PRR5L: variants seen among roughly 807,000 people sequenced by gnomAD.
PRR5L encodes the protein proline rich 5 like, also known as proline-rich protein 5-like.
Under a neutral mutation model 36.4 loss-of-function variants are expected in PRR5L, and 21 were observed. That is an observed-to-expected ratio of 0.58 (90% CI 0.41 to 0.83). The LOEUF is 0.83. Ranked by LOEUF, PRR5L falls within the 40% of genes least tolerant of loss-of-function variation. PRR5L has a pLI of 0.00. For missense variants in PRR5L, 381 were observed against 473.3 expected (o/e 0.80, Z 1.81); for synonymous variants, 188 against 197.0 (o/e 0.95, Z 0.38).
At chr11:36,347,662 G>A (rs1002048532) in intron 1 of PRR5L, among the ~76,000 whole-genome samples, 2 of 151,920 alleles carry the variant, frequency 1.3e-5, no homozygotes, top group Non-Finnish European at 1.5e-5. Context: ...TCACATCCTA[G>A]AGAGGAGAAA....
At chr11:36,449,265 C>A (rs10501156) in intron 7 of PRR5L, among the ~76,000 whole-genome samples, 12,321 of 152,266 alleles carry the variant, frequency 0.081, 611 homozygotes, top group Middle Eastern at 0.17. Context: ...GAAATTTGGG[C>A]CTCCGTACTT....
rs1859207283 is a variant in PRR5L at position 36,462,459 on chromosome 11, G to T, written c.830G>T (p.Gly277Val). ...MVLTPLTEQE[G>V]EAYLEKCGSV... Reference sequence around the variant, plus strand: ...TTGACCCCACTGACAGAGCAGGAGGGGGAAGCCTACCTGGAGAAGTGTGGC... The same window carrying T: ...TTGACCCCACTGACAGAGCAGGAGGTGGAAGCCTACCTGGAGAAGTGTGGC... The change falls in exon 9 of 9, where the codon GGG (glycine) becomes GTG (valine). Residue 277 changes from glycine to valine, a missense_variant. Coordinates refer to ENST00000530639, the MANE Select transcript of PRR5L (RefSeq NM_001160167.2). The T allele has an allele frequency of 1.2e-6, 2 of 1,607,966 alleles. No individual in the cohort carries two copies. Among genetic ancestry groups the T allele is most frequent in the African/African-American group, 1.3e-5 (1 of 75,014 alleles).
intron 4 of PRR5L, among the ~76,000 whole-genome samples, chr11:36,422,632 A>C (rs1858293148): frequency 6.6e-6 from 1 of 152,176 alleles, no homozygotes; most frequent in African/African-American, 2.4e-5. Flanking sequence ...CTTAACACAG[A>C]ATGTCCTGAG....
In PRR5L at chr11:36,344,426, TAA is replaced by T. The variant is rs1349864774; in HGVS notation, c.-126+47991_-126+47992del. Among the ~76,000 whole-genome samples the T allele has an allele frequency of 1.3e-5, 2 of 152,246 alleles. No individual in the cohort carries two copies. On this transcript the variant is annotated intron_variant, in intron 1 of 8. Transcript: ENST00000530639. This position sits in a 1 kb window ranked among gnomAD's most constrained non-coding sequence, Gnocchi z 4.1. ...TGTTATAAATATTTCTTGATATTAT[TAA>T]AAGTTATTGACATCATTTTTAAGGC...
chr11:36,386,991 T>C (rs1433614008), intron 1 of PRR5L, among the ~76,000 whole-genome samples: 2 of 152,166 alleles, frequency 1.3e-5, no homozygotes, highest in Non-Finnish European at 2.9e-5. Context: ...CTGGTTTCCA[T>C]CCAATGGGCT....
At chr11:36,387,799 G>A (rs56948888) in intron 1 of PRR5L, among the ~76,000 whole-genome samples, 5,526 of 152,298 alleles carry the variant, frequency 0.036, 356 homozygotes, top group African/African-American at 0.13. Flanking sequence ...GCTGGAGGCT[G>A]TAGCTGTGAT....
At chr11:36,366,737 T>C (rs1377839379) in intron 1 of PRR5L, among the ~76,000 whole-genome samples, 1 of 152,172 alleles carries the variant, frequency 6.6e-6, no homozygotes, top group African/African-American at 2.4e-5. Flanking sequence ...GCTAAATTAG[T>C]GGTTAGAGGG....
rs537655928 is a variant in PRR5L at position 36,390,022 on chromosome 11, A to G, written c.-125-10975A>G. 4.6e-5 allele frequency among the ~76,000 whole-genome samples: 7 copies of G among 152,320 alleles called. No individual in the cohort carries two copies. The South Asian group carries it at 1.2e-3, about 27-fold the overall frequency. ...TTCCTGCTTCACTAGGCCCTGTGCT[A>G]AGCCCTGGGGATGTACCTGAGAACA... On this transcript the variant is annotated intron_variant, in intron 1 of 8. Transcript: ENST00000530639.
At chr11:36,460,920 C>T (rs956979122) in intron 8 of PRR5L, among the ~76,000 whole-genome samples, 1 of 152,192 alleles carries the variant, frequency 6.6e-6, no homozygotes, top group African/African-American at 2.4e-5. Context: ...ACTCTGTCAC[C>T]CCTTTACCGC....
At chr11:36,407,368 C>G (rs1206740751) in intron 3 of PRR5L, among the ~76,000 whole-genome samples, 1 of 152,214 alleles carries the variant, frequency 6.6e-6, no homozygotes, top group Non-Finnish European at 1.5e-5. Flanking sequence ...GCATACTGCA[C>G]TCCAGCCTGG....
rs552551081 is a variant in PRR5L, at chr11:36,348,440, C to T, written c.-126+52002C>T. ...TCCCTGCCTCACCTTTCTATGCATC[C>T]GAATCCCACTCCTGCTTTAACTAAC... On this transcript the variant is annotated intron_variant, in intron 1 of 8. Coordinates refer to ENST00000530639, the MANE Select transcript of PRR5L (RefSeq NM_001160167.2). Among the ~76,000 whole-genome samples, 177 of 152,180 alleles carry T rather than the reference C, an allele frequency of 1.2e-3. 1 individual carries two copies. The highest frequency in any genetic ancestry group is 4.2e-3 in the African/African-American group (174 of 41,518).
intron 1 of PRR5L, among the ~76,000 whole-genome samples, chr11:36,341,581 C>T (rs1856817932): frequency 6.6e-6 from 1 of 152,164 alleles, no homozygotes; most frequent in African/African-American, 2.4e-5. Flanking sequence ...TTAAGACCAC[C>T]CACAGCTCTG....
chr11:36,383,620 G>A (rs1441757987), intron 1 of PRR5L, among the ~76,000 whole-genome samples: 1 of 151,838 alleles, frequency 6.6e-6, no homozygotes, highest in South Asian at 2.1e-4. Context: ...TCTTGTTCAC[G>A]TTCTCTGCTT....
chr11:36,325,539 A>C (rs553179495), intron 1 of PRR5L, among the ~76,000 whole-genome samples: 15 of 152,288 alleles, frequency 9.8e-5, no homozygotes, highest in African/African-American at 2.9e-4. Flanking sequence ...TATCCTGATC[A>C]TTGTCCCTGG....
chr11:36,456,097 C>T (rs1859051896), intron 8 of PRR5L, among the ~76,000 whole-genome samples: 1 of 152,178 alleles, frequency 6.6e-6, no homozygotes, highest in Admixed American at 6.5e-5. Flanking sequence ...CCTGGAGCAA[C>T]TTCTGAGCCA....
At chr11:36,343,675 T>TA (rs1321420388) in intron 1 of PRR5L, among the ~76,000 whole-genome samples, 9 of 152,190 alleles carry the variant, frequency 5.9e-5, no homozygotes, top group African/African-American at 2.2e-4. Context: ...CATCAGCCTT[T>TA]ATAGTGGTTT....
rs1252535250 is a variant in PRR5L at position 36,388,694 on chromosome 11, C to CTTTTTTTTTT, written c.-125-12300_-125-12299insTTTTTTTTTT. 5.0e-3 allele frequency among the ~76,000 whole-genome samples: 567 copies of CTTTTTTTTTT among 112,748 alleles called. 21 individuals carry two copies. Among genetic ancestry groups the CTTTTTTTTTT allele is most frequent in the Non-Finnish European group, 7.2e-3 (421 of 58,074 alleles). 74.0% of individuals were successfully genotyped at this position (112,748 alleles called of 152,430 possible). A position where few individuals can be genotyped will look rare whatever the true frequency, so the allele number is the denominator to read the frequency against. On this transcript the variant is annotated intron_variant, in intron 1 of 8. Coordinates refer to ENST00000530639, the MANE Select transcript of PRR5L (RefSeq NM_001160167.2). The stretch of plus-strand genomic sequence containing the variant: ...TTCTTTCATTCAAGGTCGGCTCTTT[C>CTTTTTTTTTT]TTTCTTTTTTTTTTTTTTTTTTGAG...
In PRR5L at chr11:36,446,395, G is replaced by A. The variant is rs372300904; in HGVS notation, c.540G>A (p.Gln180=). 982 of 1,614,166 alleles carry A rather than the reference G, an allele frequency of 6.1e-4. 7 individuals carry two copies. The South Asian group carries it at 9.5e-3, about 16-fold the overall frequency. ...VKLGDLLLLA[Q]SKLPSSIVQM... ...TGGGTGACCTGCTGCTGCTGGCCCA[G>A]TCCAAGCTGCCCTCGTCCATTGTCC... The change falls in exon 7 of 9, where the codon CAG becomes CAA. Residue 180 remains glutamine (Q), a synonymous_variant. Coordinates refer to ENST00000530639, the MANE Select transcript of PRR5L (RefSeq NM_001160167.2).
At chr11:36,431,475 A>T (rs979334110) in intron 4 of PRR5L, among the ~76,000 whole-genome samples, 3 of 141,020 alleles carry the variant, frequency 2.1e-5, no homozygotes, top group African/African-American at 7.4e-5. Flanking sequence ...AAAAAAAAAT[A>T]TGTTATTTCT....
Sources: gnomAD v4.1 joint callset for allele counts (sites outside exome capture counted in the v4.1 genomes callset) on GRCh38, gnomAD v4.1.1 for gene constraint, Gnocchi (gnomAD v3.1) non-coding constraint, MANE v1.5 for transcripts, NCBI Gene and HGNC (gene_info 2026-07-23, HGNC 2026-07-21) for gene names.